FBN2: variants seen among roughly 807,000 people sequenced by gnomAD.
FBN2 encodes fibrillin-2.
In FBN2, 105 loss-of-function variants were observed where a neutral mutation model predicts 355.6. The observed-to-expected ratio is 0.30, with a 90% CI of 0.25 to 0.35. The LOEUF (loss-of-function observed/expected upper bound fraction) is 0.35, where lower values mean the gene tolerates loss of function less well. FBN2 is among the 10% of genes least tolerant of loss of function. FBN2 has a pLI of 1.00. For synonymous variants in FBN2, 1,350 were observed against 1,301.2 expected, an observed-to-expected ratio of 1.04 and a Z score of -0.81; for missense variants, 3,280 against 3,758.7, an observed-to-expected ratio of 0.87 and a Z score of 3.33.
At chr5:128,287,267 G>GAC in intron 54 of FBN2, 41 bp downstream of exon 54, 2 of 1,608,102 alleles carry the variant, frequency 1.2e-6, no homozygotes, top group Non-Finnish European at 1.7e-6. Context: ...TCTCCAGCAT[G>GAC]ACAAATAAAG....
At position 128,288,511 on chromosome 5, in the gene FBN2, G is replaced by A; in HGVS notation, c.6684C>T (p.Cys2228=). ...SIGNPCGNGT[C]TNVIGSFECN... is the part of the protein sequence containing the mutation. ...ATTCAAAACTCCCAATAACATTGGT[G>A]CATGTACCATTTCCACACGGATTGC... is the stretch of plus-strand genomic sequence containing the variant. Residue 2228 remains cysteine, a synonymous_variant, in exon 53 of 65, where the codon TGC becomes TGT. Coordinates refer to ENST00000262464, the MANE Select transcript of FBN2 (RefSeq NM_001999.4). 6.2e-7 allele frequency: 1 copy of A among 1,613,434 alleles called. No individual in the cohort carries two copies. The highest frequency in any genetic ancestry group is 1.1e-5 in the South Asian group (1 of 91,066).
chr5:128,311,740 G>GTT lies in FBN2; in HGVS notation c.4948+143_4948+144dup. 16 of 717,244 alleles carry GTT rather than the reference G, an allele frequency of 2.2e-5. No homozygotes were observed. In the South Asian group the frequency reaches 2.4e-4, roughly 11 times the overall value. The allele number at this position is 717,244 out of a possible 1,614,324, so 44.4% of individuals were successfully genotyped here. On this transcript the variant is annotated intron_variant, in intron 38 of 64. Transcript: ENST00000262464. ...TCATTACTGCTTGATAAAAGTAGTA[G>GTT]TTTAACATTTTAGTAATTAAAGTCC...
intron 6 of FBN2, among the ~76,000 whole-genome samples, chr5:128,461,552 T>C (rs943784226): frequency 1.6e-4 from 24 of 152,182 alleles, no homozygotes; most frequent in African/African-American, 4.8e-4. Flanking sequence ...CATGCACACA[T>C]ATGTTTATTG....
chr5:128,320,807 C>A (rs1490891409), intron 34 of FBN2, among the ~76,000 whole-genome samples: 2 of 151,864 alleles, frequency 1.3e-5, no homozygotes, highest in East Asian at 3.8e-4. Flanking sequence ...TTTTAAAATA[C>A]TTTTCTAATG....
At chr5:128,320,858 A>G (rs1181447211) in intron 34 of FBN2, among the ~76,000 whole-genome samples, 1 of 152,332 alleles carries the variant, frequency 6.6e-6, no homozygotes. Context: ...GCTTTATGCT[A>G]AAGTTGAAAT....
In FBN2 at chr5:128,493,382, A is replaced by T. The variant is rs530796736; in HGVS notation, c.628+25891T>A. ...GAGGCTGAAGACATTTTCAGTTATGAGAGAGAAAAGATAATAATAATGATG... is the reference window on the plus strand; with the variant it reads ...GAGGCTGAAGACATTTTCAGTTATGTGAGAGAAAAGATAATAATAATGATG... On this transcript the variant is annotated intron_variant, in intron 5 of 64. Transcript: ENST00000262464. Among the ~76,000 whole-genome samples, 8 of 152,262 alleles carry T rather than the reference A, an allele frequency of 5.3e-5. No individual in the cohort carries two copies. In the South Asian group the frequency reaches 1.7e-3, roughly 32 times the overall value.
rs1476754020 is a variant in FBN2 at position 128,537,907 on chromosome 5, G to T, written c.-304C>A. On this transcript the variant is annotated 5_prime_UTR_variant, in exon 1 of 65. Transcript: ENST00000262464. ...GGCCTAAAGCCCCGAGCGACTCCAGGACCGTCAGCGGGCGGGGGAGGAAAT... is the reference window on the plus strand; with the variant it reads ...GGCCTAAAGCCCCGAGCGACTCCAGTACCGTCAGCGGGCGGGGGAGGAAAT... 4.2e-6 allele frequency: 2 copies of T among 473,202 alleles called. No homozygotes were observed. The highest frequency in any genetic ancestry group is 3.4e-5 in the South Asian group (1 of 29,056). 29.3% of individuals were successfully genotyped at this position (473,202 alleles called of 1,614,324 possible).
At chr5:128,377,709 A>G in intron 13 of FBN2, 43 bp downstream of exon 13, 2 of 1,601,966 alleles carry the variant, frequency 1.2e-6, no homozygotes, top group East Asian at 2.2e-5. Context: ...AAAAATGTAT[A>G]TCCTTTTAAA....
intron 5 of FBN2, among the ~76,000 whole-genome samples, chr5:128,484,365 G>A (rs1254479344): frequency 6.6e-6 from 1 of 152,068 alleles, no homozygotes; most frequent in African/African-American, 2.4e-5. Context: ...AACTGCAAAG[G>A]CCAGCAACAG....
chr5:128,535,091 T>C (rs372126813), intron 2 of FBN2, among the ~76,000 whole-genome samples: 5 of 152,330 alleles, frequency 3.3e-5, no homozygotes, highest in East Asian at 3.9e-4. Context: ...GAGAAAAGAA[T>C]GCAGAACATG....
At chr5:128,288,824 AGGCAT>A (rs1486733789) in intron 52 of FBN2, among the ~76,000 whole-genome samples, 1 of 152,234 alleles carries the variant, frequency 6.6e-6, no homozygotes, top group Non-Finnish European at 1.5e-5. Flanking sequence ...CTTCAAGAGC[AGGCAT>A]GGAAGGGCAT....
intron 5 of FBN2, among the ~76,000 whole-genome samples, chr5:128,479,956 CTCTCTCTCTCTCTCTCTCTCTATATATA>C (rs1755112083): frequency 5.7e-5 from 2 of 35,246 alleles, no homozygotes; most frequent in African/African-American, 9.9e-5. Flanking sequence ...CTCTCTCTCT[CTCTCTCTCTCTCTCTCTCTCTATATATA>C]TATATATATA....
At chr5:128,447,569 A>C (rs1754102760) in intron 6 of FBN2, among the ~76,000 whole-genome samples, 1 of 152,186 alleles carries the variant, frequency 6.6e-6, no homozygotes, top group African/African-American at 2.4e-5. Flanking sequence ...TATCAATGAC[A>C]ATGCATGCCC....
rs1751932815 is a variant in FBN2 at position 128,371,389 on chromosome 5, A to G, written c.2096-2055T>C. ...CCTAAATGCATCTTTTCCATATGTT[A>G]GCAGACTTCTGCATGCCTTTTCTCT... is the stretch of plus-strand genomic sequence containing the variant. On this transcript the variant is annotated intron_variant, in intron 15 of 64. Coordinates refer to ENST00000262464, the MANE Select transcript of FBN2 (RefSeq NM_001999.4). 3.3e-5 allele frequency among the ~76,000 whole-genome samples: 5 copies of G among 151,990 alleles called. No homozygotes were observed. In the South Asian group the frequency reaches 1.0e-3, roughly 32 times the overall value.
chr5:128,509,975 A>G (rs1756069558), intron 5 of FBN2, among the ~76,000 whole-genome samples: 1 of 152,174 alleles, frequency 6.6e-6, no homozygotes, highest in African/African-American at 2.4e-5. Context: ...AAGATTCCTC[A>G]CATGAATGTG....
intron 6 of FBN2, among the ~76,000 whole-genome samples, chr5:128,459,343 C>T (rs1189186361): frequency 6.6e-6 from 1 of 152,058 alleles, no homozygotes; most frequent in South Asian, 2.1e-4. Context: ...CAGGACCAGA[C>T]GGATTCACAG....
At chr5:128,286,224 A>C (rs1363093411) in intron 55 of FBN2, among the ~76,000 whole-genome samples, 1 of 152,236 alleles carries the variant, frequency 6.6e-6, no homozygotes, top group Non-Finnish European at 1.5e-5. Context: ...AAACTAAAAA[A>C]TCCAATTATA....
At chr5:128,368,475 T>TAC (rs1180758413) in intron 16 of FBN2, among the ~76,000 whole-genome samples, 5 of 146,906 alleles carry the variant, frequency 3.4e-5, no homozygotes, top group East Asian at 4.0e-4. Context: ...TACATATATA[T>TAC]ACATATATAT....
intron 55 of FBN2, among the ~76,000 whole-genome samples, chr5:128,280,620 C>A (rs1285601238): frequency 6.6e-6 from 1 of 151,948 alleles, no homozygotes; most frequent in Non-Finnish European, 1.5e-5. Context: ...CCTGAGACAC[C>A]AGGCAAGGAT....
Sources: gnomAD v4.1 joint callset for allele counts (sites outside exome capture counted in the v4.1 genomes callset) on GRCh38, gnomAD v4.1.1 for gene constraint, MANE v1.5 for transcripts, NCBI Gene and HGNC (gene_info 2026-07-23, HGNC 2026-07-21) for gene names.